Variants in ASIC2 observed in about 807,000 individuals in gnomAD.
ASIC2 encodes the protein acid sensing ion channel subunit 2.
In ASIC2, 25 loss-of-function variants were observed where a neutral mutation model predicts 57.3. The ratio of observed to expected loss-of-function variants is 0.44; its 90% CI spans 0.32 to 0.61. The LOEUF is 0.61. Among genes scored for constraint, ASIC2 ranks in the 20% least tolerant of loss-of-function variants. The pLI is 0.06. For missense variants in ASIC2, 641 were observed against 738.1 expected (o/e 0.87, Z 1.52); for synonymous variants, 319 against 307.5 (o/e 1.04, Z -0.39).
chr17:33,131,629 C>T (rs1186181105), intron 1 of ASIC2: 1 of 152,270 alleles, frequency 6.6e-6, no homozygotes, highest in Non-Finnish European at 1.5e-5. Context: ...CAGACAGATG[C>T]ATGAGCTATG....
At chr17:33,463,799 G>T (rs1197184962) in intron 1 of ASIC2, among the ~76,000 whole-genome samples, 2 of 152,188 alleles carry the variant, frequency 1.3e-5, no homozygotes, top group Non-Finnish European at 2.9e-5. Flanking sequence ...ATGCCTCTGT[G>T]ATACCACTGC....
chr17:33,203,640 C>T (rs1321696470), intron 1 of ASIC2, among the ~76,000 whole-genome samples: 2 of 152,058 alleles, frequency 1.3e-5, no homozygotes, highest in Admixed American at 1.3e-4. Context: ...TCTTTATTCT[C>T]GGGGTTGGCA....
At chr17:34,143,163 T>C (rs1163628684) in intron 1 of ASIC2, 3 of 152,212 alleles carry the variant, frequency 2.0e-5, no homozygotes, top group African/African-American at 7.2e-5. Context: ...AAAAGCATGA[T>C]GTCTTCACAG....
At chr17:33,267,751 G>T (rs535080828) in intron 1 of ASIC2, among the ~76,000 whole-genome samples, 1 of 152,292 alleles carries the variant, frequency 6.6e-6, no homozygotes, top group South Asian at 2.1e-4. Flanking sequence ...TGGTGCTCCG[G>T]GGAGGGACAG....
chr17:33,424,994 C>T (rs1170069029), intron 1 of ASIC2, among the ~76,000 whole-genome samples: 1 of 152,218 alleles, frequency 6.6e-6, no homozygotes, highest in African/African-American at 2.4e-5. Context: ...AGGAAATGCA[C>T]ATTTATTAAC....
At chr17:33,591,591 T>C (rs981628922) in intron 1 of ASIC2, among the ~76,000 whole-genome samples, 4 of 152,190 alleles carry the variant, frequency 2.6e-5, no homozygotes, top group African/African-American at 9.7e-5. Context: ...GTAGTGGGTC[T>C]CACAACCCAC....
intron 5 of ASIC2, 103 bp from the exon 6 acceptor site, chr17:33,024,117 G>A: frequency 6.7e-7 from 1 of 1,482,006 alleles, no homozygotes; most frequent in Non-Finnish European, 9.3e-7. Flanking sequence ...GCTGGGAAGG[G>A]GCACTGGTCT....
intron 1 of ASIC2, among the ~76,000 whole-genome samples, chr17:34,029,572 T>C (rs1664429271): frequency 6.6e-6 from 1 of 152,178 alleles, no homozygotes; most frequent in Non-Finnish European, 1.5e-5. Context: ...TATTTGGAGA[T>C]AGGATCTTTG....
At chr17:33,082,616 T>G (rs962582657) in intron 3 of ASIC2, among the ~76,000 whole-genome samples, 1 of 152,020 alleles carries the variant, frequency 6.6e-6, no homozygotes, top group Non-Finnish European at 1.5e-5. Context: ...CGAGATTTGC[T>G]TGAACTCAGG....
intron 1 of ASIC2, among the ~76,000 whole-genome samples, chr17:33,433,609 G>C (rs55970441): frequency 2.6e-5 from 4 of 151,828 alleles, no homozygotes; most frequent in African/African-American, 9.7e-5. Flanking sequence ...AATTAGTGGG[G>C]CGTGGTGGTG....
intron 1 of ASIC2, among the ~76,000 whole-genome samples, chr17:34,052,376 C>T (rs1908601180): frequency 6.6e-6 from 1 of 152,200 alleles, no homozygotes. Flanking sequence ...ATTCCTGTGA[C>T]TGGGATATAT....
In ASIC2 at chr17:33,553,188, G is replaced by T. The variant is rs1037678564; in HGVS notation, c.556-441121C>A. Among the ~76,000 whole-genome samples, 5 of 152,246 alleles carry T rather than the reference G, an allele frequency of 3.3e-5. No individual in the cohort carries two copies. In the South Asian group the frequency reaches 1.0e-3, roughly 32 times the overall value. On this transcript the variant is annotated intron_variant, in intron 1 of 9. Transcript: ENST00000359872. ...GGAGGCACTGCATATAATCTGAAGG[G>T]TAGGGGTCTTCTCTGGGGCCAGTGA...
chr17:33,814,360 T>C (rs1912517564), intron 1 of ASIC2, among the ~76,000 whole-genome samples: 1 of 152,156 alleles, frequency 6.6e-6, no homozygotes, highest in Non-Finnish European at 1.5e-5. Flanking sequence ...TGTGCGTGTG[T>C]ATGTGTCTGT....
At chr17:33,828,542 A>T (rs1913011815) in intron 1 of ASIC2, 1 of 152,198 alleles carries the variant, frequency 6.6e-6, no homozygotes, top group South Asian at 2.1e-4. Context: ...ATATATGAAG[A>T]GCTGGTGAAA....
chr17:33,783,789 T>C (rs1419977356), intron 1 of ASIC2, among the ~76,000 whole-genome samples: 1 of 152,248 alleles, frequency 6.6e-6, no homozygotes, highest in African/African-American at 2.4e-5. Flanking sequence ...GTTGTAATTT[T>C]TGGCAAATCA....
intron 1 of ASIC2, among the ~76,000 whole-genome samples, chr17:34,104,600 C>T (rs1910979119): frequency 6.6e-6 from 1 of 152,042 alleles, no homozygotes; most frequent in African/African-American, 2.4e-5. Flanking sequence ...CTTGCACATG[C>T]TCTCTATCAG....
chr17:33,367,735 A>G (rs116869127), intron 1 of ASIC2, among the ~76,000 whole-genome samples: 2,476 of 152,330 alleles, frequency 0.016, 25 homozygotes, highest in Non-Finnish European at 0.025. Flanking sequence ...TAAAGATAAG[A>G]CTGCCACCAT....
intron 1 of ASIC2, among the ~76,000 whole-genome samples, chr17:33,366,645 G>T (rs1207090406): frequency 1.3e-5 from 2 of 152,136 alleles, no homozygotes; most frequent in African/African-American, 2.4e-5. Flanking sequence ...TTATTTAATT[G>T]CTTTCCCACT....
At chr17:34,081,550 G>T (rs2142078916) in intron 1 of ASIC2, among the ~76,000 whole-genome samples, 1 of 152,278 alleles carries the variant, frequency 6.6e-6, no homozygotes, top group Non-Finnish European at 1.5e-5. Flanking sequence ...TCATTGGATA[G>T]CGCTGAGAAC....
Sources: allele counts gnomAD v4.1 joint callset (sites outside exome capture counted in the v4.1 genomes callset), GRCh38; gene constraint gnomAD v4.1.1; transcripts MANE v1.5; gene names NCBI Gene and HGNC (gene_info 2026-07-23, HGNC 2026-07-21).